The following ITGB3BP variants were observed in gnomAD, a reference collection of about 807,000 sequenced individuals.
ITGB3BP encodes the protein integrin subunit beta 3 binding protein.
Under a neutral mutation model 29.1 loss-of-function variants are expected in ITGB3BP, and 27 were observed. That is an observed-to-expected ratio of 0.93 (90% CI 0.68 to 1.28). The LOEUF is 1.28. ITGB3BP is among the 50% of genes most tolerant of loss of function. The pLI is 0.00. For missense variants in ITGB3BP, 192 were observed against 200.2 expected, an observed-to-expected ratio of 0.96 and a Z score of 0.25; for synonymous variants, 61 against 61.4, an observed-to-expected ratio of 0.99 and a Z score of 0.03.
chr1:63,507,305 A>G (rs1646102257), intron 2 of ITGB3BP, among the ~76,000 whole-genome samples: 1 of 152,170 alleles, frequency 6.6e-6, no homozygotes, highest in Non-Finnish European at 1.5e-5. Context: ...ATAACAATGT[A>G]TTTTTCTAAT....
intron 1 of ITGB3BP, among the ~76,000 whole-genome samples, chr1:63,513,908 T>C (rs777764364): frequency 3.9e-5 from 6 of 152,326 alleles, no homozygotes; most frequent in East Asian, 1.9e-4. Flanking sequence ...AATTTACATA[T>C]AGCAAGCAGC....
chr1:63,504,923 T>C (rs542258586), intron 2 of ITGB3BP, among the ~76,000 whole-genome samples: 4 of 152,348 alleles, frequency 2.6e-5, no homozygotes, highest in South Asian at 2.1e-4. Context: ...CAGTATTTTA[T>C]TGAGGATTTT....
chr1:63,518,856 T>C (rs1285436047), intron 1 of ITGB3BP, among the ~76,000 whole-genome samples: 1 of 152,166 alleles, frequency 6.6e-6, no homozygotes, highest in Non-Finnish European at 1.5e-5. Flanking sequence ...CTCTATTTGT[T>C]TTTTAGGTAT....
chr1:63,473,632 C>G (rs1430197135), intron 4 of ITGB3BP, among the ~76,000 whole-genome samples: 14 of 131,962 alleles, frequency 1.1e-4, no homozygotes, highest in African/African-American at 4.0e-4. Context: ...GGGGTCAGCC[C>G]CCCGCCCGGC....
At chr1:63,480,655 C>A (rs953815762) in intron 3 of ITGB3BP, among the ~76,000 whole-genome samples, 3 of 151,878 alleles carry the variant, frequency 2.0e-5, no homozygotes, top group Admixed American at 2.0e-4. Flanking sequence ...ACAAAAAAAA[C>A]CCTATCACAA....
At chr1:63,467,691 C>T (rs1342003149) in intron 4 of ITGB3BP, among the ~76,000 whole-genome samples, 1 of 152,144 alleles carries the variant, frequency 6.6e-6, no homozygotes, top group Non-Finnish European at 1.5e-5. Flanking sequence ...CTCTATTAGA[C>T]ATATCTATAG....
intron 4 of ITGB3BP, among the ~76,000 whole-genome samples, chr1:63,467,049 A>G (rs1450715304): frequency 1.3e-5 from 2 of 151,638 alleles, no homozygotes; most frequent in Non-Finnish European, 1.5e-5. Flanking sequence ...TGCTCGGCTC[A>G]TTTTTTTAGT....
At chr1:63,503,449 C>T (rs1418097536) in intron 2 of ITGB3BP, among the ~76,000 whole-genome samples, 1 of 152,100 alleles carries the variant, frequency 6.6e-6, no homozygotes, top group African/African-American at 2.4e-5. Flanking sequence ...AATTTTCTCC[C>T]ATTCTGTAGG....
At chr1:63,497,931 T>TC (rs1645830972) in intron 2 of ITGB3BP, among the ~76,000 whole-genome samples, 1 of 151,466 alleles carries the variant, frequency 6.6e-6, no homozygotes, top group African/African-American at 2.4e-5. Flanking sequence ...TTCCCCCTTT[T>TC]TCTTTTTTCC....
intron 2 of ITGB3BP, among the ~76,000 whole-genome samples, chr1:63,496,093 A>G (rs1645780692): frequency 6.9e-6 from 1 of 144,008 alleles, no homozygotes; most frequent in East Asian, 2.0e-4. Flanking sequence ...GGGCCACTAC[A>G]ATTTTTTTTT....
chr1:63,507,568 C>G (rs533085125), intron 2 of ITGB3BP, among the ~76,000 whole-genome samples: 3 of 152,214 alleles, frequency 2.0e-5, no homozygotes, highest in Non-Finnish European at 2.9e-5. Flanking sequence ...TGCAGAATTA[C>G]AGTCACAGCT....
chr1:63,480,631 T>C (rs1353885898), intron 3 of ITGB3BP, among the ~76,000 whole-genome samples: 1 of 151,648 alleles, frequency 6.6e-6, no homozygotes, highest in African/African-American at 2.4e-5. Context: ...TATGTCTTCC[T>C]CAAAAAAAAC....
chr1:63,465,449 G>T (rs1327961192), intron 4 of ITGB3BP, among the ~76,000 whole-genome samples: 4 of 150,858 alleles, frequency 2.7e-5, no homozygotes, highest in Non-Finnish European at 4.4e-5. Context: ...TCTTGATAGG[G>T]TATTTTTCTG....
At chr1:63,524,277 T>G (rs1162479652), upstream of ITGB3BP, among the ~76,000 whole-genome samples, 1 of 152,246 alleles carries the variant, frequency 6.6e-6, no homozygotes, top group East Asian at 1.9e-4. Context: ...AGGAGATGCA[T>G]GCACACATAT....
At chr1:63,443,882 TGGG>T (rs3838451) in intron 8 of ITGB3BP, among the ~76,000 whole-genome samples, 51,201 of 151,654 alleles carry the variant, frequency 0.34, 8,816 homozygotes, top group East Asian at 0.48. Context: ...TCAGTATACT[TGGG>T]GGACATTGTA....
chr1:63,482,654 T>C (rs1645459518), intron 3 of ITGB3BP, among the ~76,000 whole-genome samples: 1 of 149,954 alleles, frequency 6.7e-6, no homozygotes, highest in Non-Finnish European at 1.5e-5. Flanking sequence ...TGTTAATTTT[T>C]TTTTTTTTTT....
chr1:63,515,566 G>T (rs952031709), intron 1 of ITGB3BP, among the ~76,000 whole-genome samples: 1 of 151,904 alleles, frequency 6.6e-6, no homozygotes, highest in Non-Finnish European at 1.5e-5. Context: ...GATGGTTCAC[G>T]CCTGTAATCC....
intron 4 of ITGB3BP, among the ~76,000 whole-genome samples, chr1:63,471,562 T>C (rs1460711994): frequency 2.0e-5 from 3 of 152,188 alleles, no homozygotes; most frequent in Non-Finnish European, 4.4e-5. Flanking sequence ...CTAAAAGTTT[T>C]ATTCTTTTAC....
At chr1:63,520,409 C>T (rs1356967933) in intron 1 of ITGB3BP, among the ~76,000 whole-genome samples, 1 of 152,024 alleles carries the variant, frequency 6.6e-6, no homozygotes, top group African/African-American at 2.4e-5. Context: ...GACTGTGCCA[C>T]TAATTTCAGA....
Sources: allele counts gnomAD v4.1 joint callset (sites outside exome capture counted in the v4.1 genomes callset), GRCh38; gene constraint gnomAD v4.1.1; transcripts MANE v1.5; gene names NCBI Gene and HGNC (gene_info 2026-07-23, HGNC 2026-07-21).